PRKD2: variants seen among roughly 807,000 people sequenced by gnomAD.
PRKD2 encodes the protein serine/threonine-protein kinase D2.
PRKD2 carries 22 observed loss-of-function variants against 86.0 expected under a neutral mutation model. The observed-to-expected ratio is 0.26, with a 90% CI of 0.18 to 0.37. The LOEUF is 0.37. Ranked by LOEUF, PRKD2 falls within the 10% of genes least tolerant of loss-of-function variation. The pLI is 1.00. For synonymous variants in PRKD2, 509 were observed against 510.9 expected (o/e 1.00, Z 0.05); for missense variants, 818 against 1,199.2 (o/e 0.68, Z 4.70).
chr19:46,698,610 C>T (rs950315780), intron 7 of PRKD2, among the ~76,000 whole-genome samples: 2 of 152,214 alleles, frequency 1.3e-5, no homozygotes, highest in African/African-American at 4.8e-5. Context: ...CTCTGGGCCT[C>T]ACCTCCCTCA....
At chr19:46,713,785 ACTCCCCCTACCCTCTC>A in intron 2 of PRKD2, 62 bp downstream of exon 2, 1 of 1,274,838 alleles carries the variant, frequency 7.8e-7, no homozygotes, top group Non-Finnish European at 1.1e-6. Flanking sequence ...CTGACTTCTA[ACTCCCCCTACCCTCTC>A]CTCCCCCAGA....
intron 1 of PRKD2, among the ~76,000 whole-genome samples, chr19:46,715,425 A>G (rs2053869085): frequency 6.6e-6 from 1 of 152,204 alleles, no homozygotes; most frequent in South Asian, 2.1e-4. Context: ...ATATTCTAAC[A>G]TTTCTACAGT....
Position 46,681,836 on chromosome 19 carries a change from A to G in PRKD2, c.1972-88T>C, listed in dbSNP as rs558818759. 3.2e-3 allele frequency: 2,275 copies of G among 708,764 alleles called. 43 individuals are homozygous for G. The African/African-American group carries it at 0.037, about 12-fold the overall frequency. 43.9% of individuals were successfully genotyped at this position (708,764 alleles called of 1,614,324 possible). A position where few individuals can be genotyped will look rare whatever the true frequency, so the allele number is the denominator to read the frequency against. ...AGCAGCCAGCCCTCCAAACCCATCCATACTTTTTTTTTTTTTTTTTTGAGA... is the reference window on the plus strand; with the variant it reads ...AGCAGCCAGCCCTCCAAACCCATCCGTACTTTTTTTTTTTTTTTTTTGAGA... On this transcript the variant is annotated intron_variant, in intron 14 of 17. Transcript: ENST00000291281.
intron 5 of PRKD2, among the ~76,000 whole-genome samples, chr19:46,701,424 C>A (rs1162916046): frequency 6.6e-6 from 1 of 151,750 alleles, no homozygotes; most frequent in Non-Finnish European, 1.5e-5. Flanking sequence ...AGTTCGAAAC[C>A]AGCCTGCCCT....
At chr19:46,680,576 G>A (rs776768516) in intron 15 of PRKD2, among the ~76,000 whole-genome samples, 5 of 150,410 alleles carry the variant, frequency 3.3e-5, no homozygotes, top group East Asian at 4.0e-4. Flanking sequence ...GGCATGAGCC[G>A]CTGCGCTCAA....
chr19:46,682,732 GTCTTGCTCTGTCAC>G (rs1355710189), intron 14 of PRKD2, among the ~76,000 whole-genome samples: 1 of 132,434 alleles, frequency 7.6e-6, no homozygotes, highest in Non-Finnish European at 1.5e-5. Context: ...TTGAGACAGA[GTCTTGCTCTGTCAC>G]TCAGGCCAGA....
intron 15 of PRKD2, among the ~76,000 whole-genome samples, chr19:46,679,615 A>G (rs997840853): frequency 6.6e-6 from 1 of 151,780 alleles, no homozygotes; most frequent in African/African-American, 2.4e-5. Context: ...GTGTATGCCT[A>G]CCTTTCCTTC....
intron 2 of PRKD2, 139 bp from the exon 3 acceptor site, chr19:46,711,177 A>G: frequency 5.6e-6 from 7 of 1,246,664 alleles, no homozygotes; most frequent in Non-Finnish European, 7.7e-6. Context: ...CTCTCATACT[A>G]CATTCTGCCT....
chr19:46,712,586 G>A (rs1236378912), intron 2 of PRKD2, among the ~76,000 whole-genome samples: 1 of 152,136 alleles, frequency 6.6e-6, no homozygotes, highest in Non-Finnish European at 1.5e-5. Flanking sequence ...ACAAAACTCA[G>A]GTTTAGGGGA....
intron 13 of PRKD2, 26 bp from the exon 14 acceptor site, chr19:46,689,724 GCCCAGGTAA>G: frequency 6.2e-7 from 1 of 1,613,136 alleles, no homozygotes; most frequent in Non-Finnish European, 8.5e-7. Context: ...CGGGGTCAGG[GCCCAGGTAA>G]CCCACAAACT....
chr19:46,714,659 C>T, intron 1 of PRKD2: 1 of 152,448 alleles, frequency 6.6e-6, no homozygotes, highest in Non-Finnish European at 1.5e-5. Context: ...GGAAGGTAAG[C>T]GGCCCTAACA....
chr19:46,694,059 T>C lies in PRKD2; in HGVS notation c.1392A>G (p.Pro464=), dbSNP rs1421459729. 3.1e-6 allele frequency: 5 copies of C among 1,614,058 alleles called. No individual in the cohort carries two copies. The highest frequency in any genetic ancestry group is 1.6e-4 in the Middle Eastern group (1 of 6,062). ...NFSLVPPGTN[P]HCFEIVTANA... Reference sequence around the variant, plus strand: ...TGGCAGTGACGATCTCAAAGCAGTGTGGGTTGGTGCCCGGCGGCACAAGGC... The same window carrying C: ...TGGCAGTGACGATCTCAAAGCAGTGCGGGTTGGTGCCCGGCGGCACAAGGC... The change falls in exon 10 of 18, where the codon CCA becomes CCG. Residue 464 remains proline (P), a synonymous_variant. Transcript: ENST00000291281.
Position 46,716,071 on chromosome 19 carries a change from T to G in PRKD2, c.240+60A>C. Reference sequence around the variant, plus strand: ...CCGCACACCAGGCCCCAGACCCCTCTGCCAGCGCCCCCTCCTTCAACCTCT... The same window carrying G: ...CCGCACACCAGGCCCCAGACCCCTCGGCCAGCGCCCCCTCCTTCAACCTCT... On this transcript the variant is annotated intron_variant, in intron 1 of 17. Coordinates refer to ENST00000291281, the MANE Select transcript of PRKD2 (RefSeq NM_016457.5). This position sits in a 1 kb window ranked among gnomAD's most constrained non-coding sequence, Gnocchi z 7.9. The G allele has an allele frequency of 1.9e-6, 3 of 1,588,894 alleles. No homozygotes were observed. The highest frequency in any genetic ancestry group is 2.6e-6 in the Non-Finnish European group (3 of 1,168,436).
intron 9 of PRKD2, 43 bp downstream of exon 9, chr19:46,697,114 G>A: frequency 6.8e-7 from 1 of 1,467,884 alleles, no homozygotes; most frequent in Non-Finnish European, 9.6e-7. Context: ...AAGTTTGTGG[G>A]CACAGCGGGA....
chr19:46,713,797 C>G (rs1051766991), intron 2 of PRKD2, 66 bp downstream of exon 2: 8 of 1,283,114 alleles, frequency 6.2e-6, no homozygotes, highest in Admixed American at 2.3e-5. Flanking sequence ...TCCCCCTACC[C>G]TCTCCTCCCC....
chr19:46,713,830 G>C, intron 2 of PRKD2, 33 bp downstream of exon 2: 83 of 1,003,666 alleles, frequency 8.3e-5, no homozygotes, highest in South Asian at 1.3e-4. Context: ...CCCCACCCGA[G>C]GCCCCGCCCC....
intron 14 of PRKD2, among the ~76,000 whole-genome samples, chr19:46,689,226 A>T (rs1028900753): frequency 7.0e-6 from 1 of 143,772 alleles, no homozygotes; most frequent in Non-Finnish European, 1.5e-5. Context: ...GGTTCACACC[A>T]TTCTCCTGCC....
Position 46,713,922 on chromosome 19 carries a change from T to G in PRKD2, c.320A>C (p.Gln107Pro). ...KHDPTSANLL[Q>P]LVRSSGDIQE... Reference sequence around the variant, plus strand: ...GATGTCTCCGGACGAGCGCACCAGCTGCAGGAGGTTGGCCGACGTGGGGTC... The same window carrying G: ...GATGTCTCCGGACGAGCGCACCAGCGGCAGGAGGTTGGCCGACGTGGGGTC... The change falls in exon 2 of 18, where the codon CAG becomes CCG. Residue 107 changes from glutamine (Q) to proline (P), a missense_variant. Gln to Pro is a moderately conservative substitution (Grantham distance 76, BLOSUM62 -1). Around this residue, in one of 5 missense-constraint regions of PRKD2, gnomAD observed 403 missense variants for 518.6 expected, o/e 0.78. Coordinates refer to ENST00000291281, the MANE Select transcript of PRKD2 (RefSeq NM_016457.5). 1 of 1,612,660 alleles carries G rather than the reference T, an allele frequency of 6.2e-7. No homozygotes were observed. The highest frequency in any genetic ancestry group is 8.5e-7 in the Non-Finnish European group (1 of 1,179,464).
Position 46,710,999 on chromosome 19 carries a change from G to A in PRKD2, c.419C>T (p.Ala140Val). The A allele has an allele frequency of 1.9e-6, 3 of 1,580,418 alleles. No individual in the cohort carries two copies. The highest frequency in any genetic ancestry group is 2.3e-5 in the East Asian group (1 of 43,172). The change falls in exon 3 of 18, where the codon GCC (alanine) becomes GTC (valine). Residue 140 changes from alanine to valine, a missense_variant. Around this residue, in one of 5 missense-constraint regions of PRKD2, gnomAD observed 403 missense variants for 518.6 expected, o/e 0.78. Transcript: ENST00000291281. ...TFEDFQIRPH[A>V]LTVHSYRAPA... ...CGCCCGATAGGAGTGCACCGTGAGG[G>A]CGTGCGGGCGGATCTGGAAGTCCTC...
Sources: allele counts gnomAD v4.1 joint callset (sites outside exome capture counted in the v4.1 genomes callset), GRCh38; gene constraint gnomAD v4.1.1; regional missense constraint gnomAD v4.1.1; non-coding constraint Gnocchi (gnomAD v3.1); transcripts MANE v1.5; gene names NCBI Gene and HGNC (gene_info 2026-07-23, HGNC 2026-07-21).